MAP3K15: variants seen among roughly 807,000 people sequenced by gnomAD.
MAP3K15 encodes mitogen-activated protein kinase kinase kinase 15.
In MAP3K15, 124 loss-of-function variants were observed where a neutral mutation model predicts 99.5. The ratio of observed to expected loss-of-function variants is 1.25; its 90% CI spans 1.08 to 1.45. The LOEUF (loss-of-function observed/expected upper bound fraction) is 1.45, where lower values mean the gene tolerates loss of function less well. MAP3K15 is among the 40% of genes most tolerant of loss of function. The pLI is 0.00. For missense variants in MAP3K15, 1,242 were observed against 1,079.7 expected, an observed-to-expected ratio of 1.15 and a Z score of -2.11; for synonymous variants, 494 against 439.6, an observed-to-expected ratio of 1.12 and a Z score of -1.55.
intron 7 of MAP3K15, among the ~76,000 whole-genome samples, chrX:19,429,139 A>C (rs1017156498): frequency 8.1e-5 from 9 of 110,886 alleles, no homozygotes; most frequent in African/African-American, 3.0e-4. Context: ...AGGTTGGAGA[A>C]AGTGTTCAGG....
intron 6 of MAP3K15, among the ~76,000 whole-genome samples, chrX:19,433,785 C>G (rs768833100): frequency 1.8e-5 from 2 of 112,192 alleles, no homozygotes; most frequent in Non-Finnish European, 3.8e-5. Context: ...GATTCCACTT[C>G]TAGAATCTGT....
chrX:19,425,454 T>C, intron 9 of MAP3K15, 77 bp downstream of exon 9: 2 of 979,145 alleles, frequency 2.0e-6, no homozygotes, highest in Non-Finnish European at 2.7e-6. Flanking sequence ...AGGAGAAACA[T>C]AGTGATTATA....
chrX:19,360,628 T>G lies in MAP3K15; in HGVS notation c.*121A>C. 1 of 525,377 alleles carries G rather than the reference T, an allele frequency of 1.9e-6. No individual in the cohort carries two copies. Among genetic ancestry groups the G allele is most frequent in the Non-Finnish European group, 3.2e-6 (1 of 314,325 alleles). The allele number at this position is 525,377 out of a possible 1,213,427, so 43.3% of individuals were successfully genotyped here. Reference sequence around the variant, plus strand: ...GTATTTAAAACAAGTTCTTAAACTATTAATTGAACAATGGCATTTTTAAAT... The same window carrying G: ...GTATTTAAAACAAGTTCTTAAACTAGTAATTGAACAATGGCATTTTTAAAT... On this transcript the variant is annotated 3_prime_UTR_variant, in exon 29 of 29. Coordinates refer to ENST00000338883, the MANE Select transcript of MAP3K15 (RefSeq NM_001001671.4).
At chrX:19,477,880 GGAGA>G (rs759246189) in intron 3 of MAP3K15, among the ~76,000 whole-genome samples, 1 of 330 alleles carries the variant, frequency 3.0e-3, no homozygotes, top group African/African-American at 0.011. Flanking sequence ...GGAAGGACAG[GGAGA>G]GAGAGAGAGA....
At chrX:19,362,409 A>G (rs2063297988) in intron 26 of MAP3K15, among the ~76,000 whole-genome samples, 1 of 107,841 alleles carries the variant, frequency 9.3e-6, no homozygotes, top group African/African-American at 3.4e-5. Flanking sequence ...GTTTTTTTCT[A>G]TTTTTTGTAC....
chrX:19,489,071 C>A, intron 1 of MAP3K15, 104 bp from the exon 2 acceptor site: 1 of 750,541 alleles, frequency 1.3e-6, no homozygotes, highest in Non-Finnish European at 1.9e-6. Flanking sequence ...GTATTTCTGT[C>A]ATCAGCCTGT....
chrX:19,418,940 G>T (rs1429983740), intron 9 of MAP3K15, among the ~76,000 whole-genome samples: 1 of 111,533 alleles, frequency 9.0e-6, no homozygotes, highest in African/African-American at 3.3e-5. Context: ...GCCAAACTAA[G>T]CTTCATAAGT....
chrX:19,360,323 CTTGT>C lies in MAP3K15; in HGVS notation c.*422_*425del. The C allele has an allele frequency of 6.9e-6, 1 of 144,268 alleles. No individual in the cohort carries two copies. Among genetic ancestry groups the C allele is most frequent in the East Asian group, 2.3e-4 (1 of 4,318 alleles). 11.9% of individuals were successfully genotyped at this position (144,268 alleles called of 1,213,427 possible). A position where few individuals can be genotyped will look rare whatever the true frequency, so the allele number is the denominator to read the frequency against. The stretch of plus-strand genomic sequence containing the variant: ...CAGCTTCCATGTTTGTTAAATACCC[CTTGT>C]TTGTTTCACCATTCCAGCAAGTGCT... On this transcript the variant is annotated 3_prime_UTR_variant, in exon 29 of 29. Coordinates refer to ENST00000338883, the MANE Select transcript of MAP3K15 (RefSeq NM_001001671.4).
At chrX:19,417,752 G>C (rs1212530636) in intron 9 of MAP3K15, among the ~76,000 whole-genome samples, 2 of 112,049 alleles carry the variant, frequency 1.8e-5, no homozygotes, top group African/African-American at 6.5e-5. Context: ...TCCTCAAGTG[G>C]GTCCCTGACC....
At chrX:19,417,670 G>T (rs781780673) in intron 9 of MAP3K15, among the ~76,000 whole-genome samples, 323 of 111,749 alleles carry the variant, frequency 2.9e-3, no homozygotes, top group Non-Finnish European at 3.7e-3. Context: ...TAAATGTCCC[G>T]GTCTGACAGC....
rs944808778 is a variant in MAP3K15, at chrX:19,433,037, A to T, written c.996-1429T>A. On this transcript the variant is annotated intron_variant, in intron 6 of 28. Coordinates refer to ENST00000338883, the MANE Select transcript of MAP3K15 (RefSeq NM_001001671.4). The stretch of plus-strand genomic sequence containing the variant: ...AAGTGTCCTTAGCTTTTAAAGATAC[A>T]CACTTAAATATCTGGGGATAAAATG... Among the ~76,000 whole-genome samples, 3 of 112,192 alleles carry T rather than the reference A, an allele frequency of 2.7e-5. No individual in the cohort carries two copies. The East Asian group carries it at 8.4e-4, about 31-fold the overall frequency.
chrX:19,373,795 C>T (rs2063398345), intron 20 of MAP3K15, 100 bp from the exon 21 acceptor site: 1 of 915,629 alleles, frequency 1.1e-6, no homozygotes, highest in Non-Finnish European at 1.5e-6. Context: ...ACCGCCCAGG[C>T]ACCCAGGATC....
At chrX:19,469,566 A>C (rs1237517716) in intron 3 of MAP3K15, among the ~76,000 whole-genome samples, 1 of 110,184 alleles carries the variant, frequency 9.1e-6, no homozygotes. Flanking sequence ...TAATTAAACT[A>C]AAGAGCTTCT....
At chrX:19,482,531 G>A (rs753697743) in intron 3 of MAP3K15, among the ~76,000 whole-genome samples, 2 of 112,034 alleles carry the variant, frequency 1.8e-5, no homozygotes, top group South Asian at 7.4e-4. Context: ...CCTTTCACAT[G>A]AGAAGTCTTG....
At chrX:19,403,460 C>CTTTTTTTTTT (rs144389481) in intron 13 of MAP3K15, among the ~76,000 whole-genome samples, 1 of 87,001 alleles carries the variant, frequency 1.1e-5, no homozygotes, top group African/African-American at 4.6e-5. Flanking sequence ...TTATTCTATT[C>CTTTTTTTTTT]TTTTTTTTTT....
chrX:19,413,953 G>C (rs2063711596), intron 10 of MAP3K15, among the ~76,000 whole-genome samples: 1 of 109,746 alleles, frequency 9.1e-6, no homozygotes, highest in Non-Finnish European at 1.9e-5. Context: ...TTGAGGTCAG[G>C]AGTTCGAGAC....
Position 19,373,183 on chromosome X carries a change from C to A in MAP3K15, c.2933+353G>T, listed in dbSNP as rs745487472. ...AAAGGAGGAAGGGAGGAGGAGGGGC[C>A]AGGAGGAGGAGGGGGCCGGAAGATG... On this transcript the variant is annotated intron_variant, in intron 21 of 28. Coordinates refer to ENST00000338883, the MANE Select transcript of MAP3K15 (RefSeq NM_001001671.4). 25 of 188,963 alleles carry A rather than the reference C, an allele frequency of 1.3e-4. No individual in the cohort carries two copies. In the South Asian group the frequency reaches 3.2e-3, roughly 24 times the overall value. The allele number at this position is 188,963 out of a possible 1,213,427, so 15.6% of individuals were successfully genotyped here. A position where few individuals can be genotyped will look rare whatever the true frequency, so the allele number is the denominator to read the frequency against.
chrX:19,467,065 T>C (rs2064174196), intron 3 of MAP3K15, among the ~76,000 whole-genome samples: 1 of 111,730 alleles, frequency 9.0e-6, no homozygotes, highest in Non-Finnish European at 1.9e-5. Flanking sequence ...ACAATTCTTC[T>C]TCCTCCAATG....
At chrX:19,416,877 T>A (rs1304101772) in intron 9 of MAP3K15, among the ~76,000 whole-genome samples, 2 of 112,325 alleles carry the variant, frequency 1.8e-5, no homozygotes, top group African/African-American at 6.5e-5. Context: ...TCAGCTGTAG[T>A]TCAAAGTTCA....
Sources: gnomAD v4.1 joint callset for allele counts (sites outside exome capture counted in the v4.1 genomes callset) on GRCh38, gnomAD v4.1.1 for gene constraint, MANE v1.5 for transcripts, NCBI Gene and HGNC (gene_info 2026-07-23, HGNC 2026-07-21) for gene names.